The following CDH23 variants were observed in gnomAD, a reference collection of about 807,000 sequenced individuals.
CDH23 encodes the protein cadherin related 23.
Under a neutral mutation model 317.1 loss-of-function variants are expected in CDH23, and 189 were observed. The ratio of observed to expected loss-of-function variants is 0.60; its 90% confidence interval spans 0.53 to 0.67. The LOEUF (loss-of-function observed/expected upper bound fraction) is 0.67, where lower values mean the gene tolerates loss of function less well. Ranked by LOEUF, CDH23 falls within the 30% of genes least tolerant of loss-of-function variation. The pLI is 0.00. For missense variants in CDH23, 4,401 were observed against 4,592.4 expected (o/e 0.96, Z 1.20); for synonymous variants, 1,839 against 1,876.8 (o/e 0.98, Z 0.52).
chr10:71,541,372 A>C lies in CDH23; in HGVS notation c.430-25370A>C, dbSNP rs551802197. Among the ~76,000 whole-genome samples, 11 of 152,336 alleles carry C rather than the reference A, an allele frequency of 7.2e-5. No homozygotes were observed. The East Asian group carries it at 2.1e-3, about 29-fold the overall frequency. On this transcript the variant is annotated intron_variant, in intron 6 of 69. Transcript: ENST00000224721. ...ACACTCAAGCCTCAGCCAGCCGGGCAGGGAACCTATGGACCTGTGAGCCAC... is the reference window on the plus strand; with the variant it reads ...ACACTCAAGCCTCAGCCAGCCGGGCCGGGAACCTATGGACCTGTGAGCCAC...
At chr10:71,620,937 G>A (rs867165168) in intron 11 of CDH23, among the ~76,000 whole-genome samples, 2 of 152,210 alleles carry the variant, frequency 1.3e-5, no homozygotes, top group African/African-American at 4.8e-5. Flanking sequence ...GGAGGAATCC[G>A]GAGCTGGCCG....
chr10:71,462,963 T>A (rs985028555), intron 3 of CDH23, among the ~76,000 whole-genome samples: 1 of 152,226 alleles, frequency 6.6e-6, no homozygotes, highest in African/African-American at 2.4e-5. Flanking sequence ...AACCTCTTCA[T>A]TGGCCTAAAG....
chr10:71,785,739 G>T lies in CDH23; in HGVS notation c.5820+1G>T, dbSNP rs900798699. On this transcript the variant is annotated splice_donor_variant, in intron 44 of 69. Transcript: ENST00000224721. LOFTEE classifies it high-confidence loss of function. ...GGAGAATCCACGCATAGCCAGGAGG[G>T]TGAGACTGGAGGGCACTGGTGGGAG... is the stretch of plus-strand genomic sequence containing the variant. The T allele has an allele frequency of 6.3e-7, 1 of 1,583,318 alleles. No homozygotes were observed. Among genetic ancestry groups the T allele is most frequent in the Non-Finnish European group, 8.6e-7 (1 of 1,158,744 alleles).
chr10:71,435,495 G>C (rs999632651), intron 1 of CDH23, among the ~76,000 whole-genome samples: 14 of 152,214 alleles, frequency 9.2e-5, no homozygotes, highest in Non-Finnish European at 1.9e-4. Flanking sequence ...GAGGGCTTTG[G>C]GGACTGGCTA....
In CDH23 at chr10:71,408,294, TCC is replaced by T. The variant is rs1848201783; in HGVS notation, c.-6+10980_-6+10981del. Among the ~76,000 whole-genome samples the T allele has an allele frequency of 2.0e-5, 3 of 152,268 alleles. No homozygotes were observed. In the South Asian group the frequency reaches 6.2e-4, roughly 32 times the overall value. On this transcript the variant is annotated intron_variant, in intron 1 of 69. Coordinates refer to ENST00000224721, the MANE Select transcript of CDH23 (RefSeq NM_022124.6). ...AGAAGTAGACAAAGCATGGCCCTTG[TCC>T]CCCATGAGCTCTCACACTTATTCAG... is the stretch of plus-strand genomic sequence containing the variant.
chr10:71,774,051 GCACACACACA>G (rs57159718), intron 38 of CDH23, among the ~76,000 whole-genome samples: 9 of 88,556 alleles, frequency 1.0e-4, no homozygotes, highest in South Asian at 3.7e-4. Flanking sequence ...ATGCGCGCGC[GCACACACACA>G]CACACACACA....
rs915502924 is a variant in CDH23 at position 71,810,010 on chromosome 10, C to T, written c.8913C>T (p.Phe2971=). 43 of 1,612,452 alleles carry T rather than the reference C, an allele frequency of 2.7e-5. No homozygotes were observed. Among genetic ancestry groups the T allele is most frequent in the Admixed American group, 6.7e-5 (4 of 60,006 alleles). ...AGATCCCCGACCGTGTGCGCGGCTT[C>T]GAGGAGGAGTTCATCCACCTGCTCT... ...INEIPDRVRG[F]EEEFIHLLSN... Residue 2971 remains phenylalanine, a synonymous_variant, in exon 61 of 70, where the codon TTC becomes TTT. Coordinates refer to ENST00000224721, the MANE Select transcript of CDH23 (RefSeq NM_022124.6).
intron 38 of CDH23, among the ~76,000 whole-genome samples, chr10:71,768,207 G>A (rs1840601507): frequency 6.6e-6 from 1 of 152,294 alleles, no homozygotes; most frequent in Non-Finnish European, 1.5e-5. Context: ...GTCTCGCTCT[G>A]TTGCCCAGGC....
chr10:71,711,718 G>A (rs1865976669), intron 27 of CDH23: 1 of 152,178 alleles, frequency 6.6e-6, no homozygotes, highest in Non-Finnish European at 1.5e-5. Flanking sequence ...TTAAAGATCA[G>A]GAGATTTTAT....
rs966074419 is a variant in CDH23 at position 71,397,412 on chromosome 10, C to G, written c.-6+94C>G. 2 of 151,922 alleles carry G rather than the reference C, an allele frequency of 1.3e-5. No homozygotes were observed. Among genetic ancestry groups the G allele is most frequent in the Non-Finnish European group, 2.9e-5 (2 of 67,974 alleles). 9.4% of individuals were successfully genotyped at this position (151,922 alleles called of 1,614,324 possible). ...GCGCGGCGGGGAAGTTGGTGGTGAC[C>G]GCGGCTGCCGAACCACTTGTTCCCA... On this transcript the variant is annotated intron_variant, in intron 1 of 69. Coordinates refer to ENST00000224721, the MANE Select transcript of CDH23 (RefSeq NM_022124.6). The surrounding 1 kb of genome is among the most constrained non-coding windows in gnomAD (Gnocchi z 4.8).
intron 9 of CDH23, among the ~76,000 whole-genome samples, chr10:71,597,465 C>G (rs1001075658): frequency 6.6e-6 from 1 of 152,178 alleles, no homozygotes; most frequent in African/African-American, 2.4e-5. Context: ...TCCCCACTCC[C>G]CACCTCATCC....
chr10:71,797,220 G>A lies in CDH23; in HGVS notation c.6829G>A (p.Ala2277Thr). The part of the protein sequence containing the change: ...LPERSVSVPN[A>T]KLTVNVLDVN... ...AGAGCGCTCTGTCAGTGTGCCAAAT[G>A]GTAAGGTTCCCTGCAGACATCTCTC... The change falls in exon 49 of 70, where the codon GCC becomes ACC. Residue 2277 changes from alanine to threonine, a missense_variant and splice_region_variant. Physicochemically the swap from Ala to Thr is moderately conservative, Grantham distance 58. This residue lies in a region of CDH23 where 3,068 missense variants were observed against 3,203.3 expected (regional missense o/e 0.96). Transcript: ENST00000224721. 1 of 1,604,610 alleles carries A rather than the reference G, an allele frequency of 6.2e-7. No individual in the cohort carries two copies. Among genetic ancestry groups the A allele is most frequent in the East Asian group, 2.2e-5 (1 of 44,788 alleles).
chr10:71,540,118 G>A (rs568672391), intron 6 of CDH23, among the ~76,000 whole-genome samples: 1 of 152,156 alleles, frequency 6.6e-6, no homozygotes, highest in East Asian at 1.9e-4. Flanking sequence ...GTGGGGCATA[G>A]GCCATCTCAG....
At chr10:71,731,886 G>A (rs1839402588) in intron 31 of CDH23, 101 bp from the exon 32 acceptor site, 4 of 1,312,794 alleles carry the variant, frequency 3.0e-6, no homozygotes, top group African/African-American at 1.5e-5. Context: ...GCCCATGCTG[G>A]GTGGGCCACC....
intron 38 of CDH23, among the ~76,000 whole-genome samples, chr10:71,746,088 C>T (rs1160198934): frequency 6.6e-6 from 1 of 152,242 alleles, no homozygotes; most frequent in Non-Finnish European, 1.5e-5. Flanking sequence ...ACCAGAGATA[C>T]ATCAGGCACA....
In CDH23 at chr10:71,751,148, G is replaced by A. The variant is rs555723680; in HGVS notation, c.4845+9227G>A. The stretch of plus-strand genomic sequence containing the variant: ...CAGTATCTGAGCCCAGAGCAGGAGG[G>A]AGGGAACCAGGGCCGAGGCCAAGGA... On this transcript the variant is annotated intron_variant, in intron 38 of 69. Transcript: ENST00000224721. The surrounding 1 kb of genome is among the most constrained non-coding windows in gnomAD (Gnocchi z 4.9). 1.5e-6 allele frequency: 2 copies of A among 1,338,522 alleles called. No individual in the cohort carries two copies. Among genetic ancestry groups the A allele is most frequent in the East Asian group, 5.0e-5 (2 of 39,650 alleles). The allele number at this position is 1,338,522 out of a possible 1,614,324, so 82.9% of individuals were successfully genotyped here. A position where few individuals can be genotyped will look rare whatever the true frequency, so the allele number is the denominator to read the frequency against.
intron 43 of CDH23, 102 bp downstream of exon 43, chr10:71,785,202 G>T: frequency 1.0e-6 from 1 of 957,730 alleles, no homozygotes. Context: ...GCTCCACCGG[G>T]CTCCCGTTCC....
At chr10:71,658,268 A>C (rs927657557) in intron 14 of CDH23, among the ~76,000 whole-genome samples, 1 of 152,090 alleles carries the variant, frequency 6.6e-6, no homozygotes, top group Admixed American at 6.5e-5. Context: ...AGGAAGAGAG[A>C]GGGAGGGAGG....
intron 28 of CDH23, among the ~76,000 whole-genome samples, chr10:71,718,470 G>A (rs928921746): frequency 2.0e-5 from 3 of 152,202 alleles, no homozygotes; most frequent in African/African-American, 4.8e-5. Context: ...CCGCCTTTGC[G>A]GCATCAGGCC....
Sources: allele counts gnomAD v4.1 joint callset (sites outside exome capture counted in the v4.1 genomes callset), GRCh38; gene constraint gnomAD v4.1.1; regional missense constraint gnomAD v4.1.1; non-coding constraint Gnocchi (gnomAD v3.1); transcripts MANE v1.5; gene names NCBI Gene and HGNC (gene_info 2026-07-23, HGNC 2026-07-21).